Variants in KIAA1671 observed in about 807,000 individuals in gnomAD.
The protein encoded by KIAA1671 is uncharacterized protein KIAA1671.
KIAA1671 carries 52 observed loss-of-function variants against 131.2 expected under a neutral mutation model. The ratio of observed to expected loss-of-function variants is 0.40; its 90% CI spans 0.32 to 0.50. The LOEUF is 0.50. KIAA1671 is among the 20% of genes least tolerant of loss of function. The pLI, the probability that KIAA1671 is intolerant of heterozygous loss-of-function variation, is 0.73. For missense variants in KIAA1671, 2,360 were observed against 2,364.2 expected, an observed-to-expected ratio of 1.00 and a Z score of 0.04; for synonymous variants, 1,003 against 961.6, an observed-to-expected ratio of 1.04 and a Z score of -0.80.
intron 5 of KIAA1671, among the ~76,000 whole-genome samples, chr22:25,048,644 T>G (rs1927368410): frequency 6.6e-6 from 1 of 152,000 alleles, no homozygotes; most frequent in Non-Finnish European, 1.5e-5. Flanking sequence ...TATATATAAC[T>G]AAGTGGAAAA....
chr22:25,182,004 C>T (rs964857283), intron 10 of KIAA1671, among the ~76,000 whole-genome samples, 181 bp downstream of exon 10: 6 of 152,044 alleles, frequency 3.9e-5, no homozygotes, highest in Admixed American at 6.5e-5. Flanking sequence ...GGTGAAACCC[C>T]GTCTCTACTA....
At chr22:25,076,899 ATTACCTGCATT>A (rs1360408138) in intron 6 of KIAA1671, among the ~76,000 whole-genome samples, 2 of 152,156 alleles carry the variant, frequency 1.3e-5, no homozygotes. Context: ...TGATCTCATT[ATTACCTGCATT>A]TTGCAATTAG....
Position 25,028,436 on chromosome 22 carries a change from T to G in KIAA1671, c.437T>G (p.Leu146Arg). The G allele has an allele frequency of 6.4e-7, 1 of 1,550,890 alleles. No individual in the cohort carries two copies. The highest frequency in any genetic ancestry group is 1.2e-5 in the South Asian group (1 of 83,968). Residue 146 changes from leucine (L) to arginine (R), a missense_variant, in exon 3 of 13, where the codon CTC (leucine) becomes CGC (arginine). This residue lies in a region of KIAA1671 where 1,185 missense variants were observed against 1,126.2 expected (regional missense o/e 1.05). Coordinates refer to ENST00000358431, the MANE Select transcript of KIAA1671 (RefSeq NM_001145206.2). ...CGGCCCAGCTCCAGCACCATGATTC[T>G]CTTCGAAACCACCAAAAGCGGCCCC... is the stretch of plus-strand genomic sequence containing the variant. ...FLRPSSSTMI[L>R]FETTKSGPAL... is the part of the protein sequence containing the mutation.
Position 25,039,135 on chromosome 22 carries a change from A to C in KIAA1671, c.2005A>C (p.Lys669Gln). 1 of 1,551,592 alleles carries C rather than the reference A, an allele frequency of 6.4e-7. No homozygotes were observed. Among genetic ancestry groups the C allele is most frequent in the Non-Finnish European group, 8.7e-7 (1 of 1,147,020 alleles). ...GGACCCACCAGACATGACAAAACTG[A>C]AGAAAGAGAACTCCAGAGGGTTTGA... is the stretch of plus-strand genomic sequence containing the variant. Reference protein sequence around the residue: ...GRDPPDMTKLKKENSRGFDNP... With the variant: ...GRDPPDMTKLQKENSRGFDNP... The change falls in exon 5 of 13, where the codon AAG becomes CAG. Residue 669 changes from lysine (K) to glutamine (Q), a missense_variant. Around this residue, in one of 3 missense-constraint regions of KIAA1671, gnomAD observed 1,185 missense variants for 1,126.2 expected, o/e 1.05. Transcript: ENST00000358431.
intron 6 of KIAA1671, among the ~76,000 whole-genome samples, chr22:25,107,892 C>G (rs922668713): frequency 6.6e-6 from 1 of 152,046 alleles, no homozygotes; most frequent in Non-Finnish European, 1.5e-5. Context: ...CCTGTAATCC[C>G]AGATACTCGG....
At chr22:24,971,472 C>A (rs572454012) in intron 1 of KIAA1671, among the ~76,000 whole-genome samples, 1 of 151,066 alleles carries the variant, frequency 6.6e-6, no homozygotes, top group Non-Finnish European at 1.5e-5. Context: ...AGAAAAGCTC[C>A]TTGTTTTTCT....
rs1159068202 is a variant in KIAA1671, at chr22:25,170,844, C to T, written c.4555C>T (p.Arg1519Trp). The change falls in exon 7 of 13, where the codon CGG (arginine) becomes TGG (tryptophan). Residue 1519 changes from arginine to tryptophan, a missense_variant. Arg to Trp is a moderately radical substitution (Grantham distance 101). Transcript: ENST00000358431. ...GGACCAGCTGAAGCAGTGTTTCTCC[C>T]GGCAGCCCACTGAACCCAAGGACAC... ...FVDQLKQCFS[R>W]QPTEPKDTDT... The T allele has an allele frequency of 1.7e-5, 27 of 1,551,650 alleles. 1 individual carries two copies. Among genetic ancestry groups the T allele is most frequent in the South Asian group, 3.6e-5 (3 of 84,054 alleles).
At chr22:25,018,897 G>A (rs2036022225) in intron 1 of KIAA1671, among the ~76,000 whole-genome samples, 1 of 152,086 alleles carries the variant, frequency 6.6e-6, no homozygotes, top group Non-Finnish European at 1.5e-5. Flanking sequence ...CAATTTTAGG[G>A]GGGTATACTC....
intron 6 of KIAA1671, among the ~76,000 whole-genome samples, chr22:25,145,806 GGCAGGCACCT>G (rs1932868146): frequency 6.6e-6 from 1 of 152,156 alleles, no homozygotes; most frequent in Non-Finnish European, 1.5e-5. Flanking sequence ...TGCATATGGT[GGCAGGCACCT>G]GCAGTCTCAG....
At chr22:25,170,961 C>G in intron 7 of KIAA1671, 23 bp downstream of exon 7, 1 of 1,545,900 alleles carries the variant, frequency 6.5e-7, no homozygotes, top group Non-Finnish European at 8.8e-7. Flanking sequence ...CGACGGGATT[C>G]TGGCTGCAAA....
intron 6 of KIAA1671, among the ~76,000 whole-genome samples, chr22:25,126,207 C>G (rs1333447323): frequency 6.6e-6 from 1 of 152,178 alleles, no homozygotes. Context: ...TGCTTTCTGC[C>G]AAAGCCAGAA....
intron 6 of KIAA1671, among the ~76,000 whole-genome samples, chr22:25,066,360 G>A (rs1330030863): frequency 3.3e-5 from 5 of 152,064 alleles, no homozygotes; most frequent in Non-Finnish European, 7.4e-5. Context: ...TGTTGCCCAA[G>A]CTGGTCTTGA....
At chr22:25,103,629 A>G (rs1247663930) in intron 6 of KIAA1671, among the ~76,000 whole-genome samples, 1 of 152,180 alleles carries the variant, frequency 6.6e-6, no homozygotes, top group Non-Finnish European at 1.5e-5. Flanking sequence ...AAGTGCTGGG[A>G]TTACAGGTGT....
rs531486327 is a variant in KIAA1671 at position 25,093,436 on chromosome 22, G to C, written c.4530+44072G>C. On this transcript the variant is annotated intron_variant, in intron 6 of 12. Transcript: ENST00000358431. ...GCTCAGGCACAATAGGTGCCTAAGG[G>C]ACAGCCACTCCCTCCCCTGACCTGT... Among the ~76,000 whole-genome samples, 17 of 152,222 alleles carry C rather than the reference G, an allele frequency of 1.1e-4. No homozygotes were observed. The South Asian group carries it at 3.5e-3, about 32-fold the overall frequency.
chr22:25,146,569 T>C (rs1357831599), intron 6 of KIAA1671, among the ~76,000 whole-genome samples: 1 of 152,198 alleles, frequency 6.6e-6, no homozygotes, highest in Admixed American at 6.5e-5. Context: ...GGAAGTGACA[T>C]TGAGTCTGGG....
At chr22:25,003,299 A>G (rs1156903111) in intron 1 of KIAA1671, among the ~76,000 whole-genome samples, 3 of 152,128 alleles carry the variant, frequency 2.0e-5, no homozygotes, top group African/African-American at 4.8e-5. Context: ...CTGGCTATAC[A>G]TCCAAACACA....
At chr22:24,964,278 A>G (rs933946920) in intron 1 of KIAA1671, among the ~76,000 whole-genome samples, 2 of 151,942 alleles carry the variant, frequency 1.3e-5, no homozygotes, top group African/African-American at 2.4e-5. Flanking sequence ...GCAGTGAGCC[A>G]AGATTGTGCT....
chr22:24,957,376 C>A (rs529069545), intron 1 of KIAA1671, among the ~76,000 whole-genome samples: 2 of 152,288 alleles, frequency 1.3e-5, no homozygotes, highest in Admixed American at 1.3e-4. Flanking sequence ...AAAAGTTAGA[C>A]CATGGGCAGC....
At chr22:25,022,377 T>G (rs1683564006) in intron 1 of KIAA1671, among the ~76,000 whole-genome samples, 1 of 152,214 alleles carries the variant, frequency 6.6e-6, no homozygotes, top group South Asian at 2.1e-4. Context: ...TCTTCCCTTC[T>G]CTCTTGTGAG....
Sources: gnomAD v4.1 joint callset for allele counts (sites outside exome capture counted in the v4.1 genomes callset) on GRCh38, gnomAD v4.1.1 for gene constraint, gnomAD v4.1.1 regional missense constraint, MANE v1.5 for transcripts, NCBI Gene and HGNC (gene_info 2026-07-23, HGNC 2026-07-21) for gene names.